The following UCK1 variants were observed in gnomAD, a reference collection of about 807,000 sequenced individuals.
The protein encoded by UCK1 is cytidine monophosphokinase 1.
UCK1 carries 20 observed loss-of-function variants against 34.0 expected under a neutral mutation model. The observed-to-expected ratio is 0.59, with a 90% CI of 0.41 to 0.86. The LOEUF (loss-of-function observed/expected upper bound fraction) is 0.86. Among genes scored for constraint, UCK1 ranks in the 40% least tolerant of loss-of-function variants. The probability of loss-of-function intolerance (pLI) is 0.00; values close to 1 mark genes in which losing one functional copy is unlikely to be tolerated. For missense variants in UCK1, 343 were observed against 383.6 expected (o/e 0.89, Z 0.88); for synonymous variants, 168 against 155.9 (o/e 1.08, Z -0.58).
At chr9:131,525,840 G>T in intron 6 of UCK1, 89 bp downstream of exon 6, 1 of 1,367,598 alleles carries the variant, frequency 7.3e-7, no homozygotes, top group Non-Finnish European at 1.0e-6. Context: ...GTGCGCAGGG[G>T]AGTGCTCAGT....
In UCK1 at chr9:131,524,128, G is replaced by C. The variant is rs1277398251; in HGVS notation, c.*912C>G. The C allele has an allele frequency of 6.6e-6, 1 of 152,368 alleles. No individual in the cohort carries two copies. The highest frequency in any genetic ancestry group is 6.5e-5 in the Admixed American group (1 of 15,292). The allele number at this position is 152,368 out of a possible 1,614,324, so 9.4% of individuals were successfully genotyped here. On this transcript the variant is annotated 3_prime_UTR_variant, in exon 7 of 7. Coordinates refer to ENST00000372215, the MANE Select transcript of UCK1 (RefSeq NM_031432.5). ...GGCGGCCATGTCTGCTGGGACCTGGGTGATCCAGTGCGTGCCACAGCCAGA... is the reference window on the plus strand; with the variant it reads ...GGCGGCCATGTCTGCTGGGACCTGGCTGATCCAGTGCGTGCCACAGCCAGA...
In UCK1 at chr9:131,530,644, G is replaced by A. The variant is rs1200045170; in HGVS notation, c.110C>T (p.Ser37Leu). The change falls in exon 2 of 7, where the codon TCG becomes TTG. Residue 37 changes from serine (S) to leucine (L), a missense_variant and splice_region_variant. Ser to Leu is a moderately radical substitution (Grantham distance 145). Coordinates refer to ENST00000372215, the MANE Select transcript of UCK1 (RefSeq NM_031432.5). ...GVSGGTASGK[S>L]TVCEKIMELL... is the part of the protein sequence containing the mutation. ...CTCCATGATCTTCTCACACACGGTC[G>A]ACTGGAGACACAGAAGCGGGATTCC... 2 of 1,614,102 alleles carry A rather than the reference G, an allele frequency of 1.2e-6. No homozygotes were observed. Among genetic ancestry groups the A allele is most frequent in the Non-Finnish European group, 1.7e-6 (2 of 1,180,052 alleles).
chr9:131,530,643 C>G lies in UCK1; in HGVS notation c.111G>C (p.Ser37=). The G allele has an allele frequency of 6.2e-7, 1 of 1,614,228 alleles. No homozygotes were observed. Among genetic ancestry groups the G allele is most frequent in the Non-Finnish European group, 8.5e-7 (1 of 1,180,040 alleles). ...ACTCCATGATCTTCTCACACACGGT[C>G]GACTGGAGACACAGAAGCGGGATTC... is the stretch of plus-strand genomic sequence containing the variant. The part of the protein sequence containing the change: ...GVSGGTASGK[S]TVCEKIMELL... The change falls in exon 2 of 7, where the codon TCG becomes TCC. Residue 37 remains serine, a splice_region_variant and synonymous_variant. Transcript: ENST00000372215.
chr9:131,525,951 G>A lies in UCK1; in HGVS notation c.630C>T (p.Ile210=). Residue 210 remains isoleucine, a synonymous_variant, in exon 6 of 7, where the codon ATC becomes ATT. Coordinates refer to ENST00000372215, the MANE Select transcript of UCK1 (RefSeq NM_031432.5). ...LPTKKYADVI[I]PRGVDNMVAI... ...TACCCATATTGTCCACTCCTCGCGG[G>A]ATGATCACATCGGCATACTTCTTTG... is the stretch of plus-strand genomic sequence containing the variant. 1 of 1,614,082 alleles carries A rather than the reference G, an allele frequency of 6.2e-7. No homozygotes were observed. The highest frequency in any genetic ancestry group is 2.2e-5 in the East Asian group (1 of 44,888).
At chr9:131,530,740 G>C (rs1950807271) in intron 1 of UCK1, 95 bp from the exon 2 acceptor site, 1 of 1,610,598 alleles carries the variant, frequency 6.2e-7, no homozygotes, top group Non-Finnish European at 8.5e-7. Flanking sequence ...CCGCCCCCTG[G>C]GGGGTATGCT....
Position 131,525,997 on chromosome 9 carries a change from G to A in UCK1, c.604-20C>T, listed in dbSNP as rs764478190. ...CTTTGTCTGTAAGGCACAAGGGGGG[G>A]TGTTCCTGTGAGGACTTTTCCTTCA... On this transcript the variant is annotated intron_variant, in intron 5 of 6. Coordinates refer to ENST00000372215, the MANE Select transcript of UCK1 (RefSeq NM_031432.5). 3.7e-6 allele frequency: 6 copies of A among 1,613,622 alleles called. No homozygotes were observed. The highest frequency in any genetic ancestry group is 4.2e-6 in the Non-Finnish European group (5 of 1,179,882).
Position 131,530,619 on chromosome 9 carries a change from CTCCATGA to C in UCK1, c.128_134del (p.Ile43SerfsTer18), listed in dbSNP as rs1475879517. ...GTTCCACCTCGTTCTGTCCCAGCAA[CTCCATGA>C]TCTTCTCACACACGGTCGACTGGAG... On this transcript the variant is annotated frameshift_variant, in exon 2 of 7. Transcript: ENST00000372215. LOFTEE classifies it high-confidence loss of function. 4 of 1,614,268 alleles carry C rather than the reference CTCCATGA, an allele frequency of 2.5e-6. No homozygotes were observed. The highest frequency in any genetic ancestry group is 3.4e-6 in the Non-Finnish European group (4 of 1,180,048).
Position 131,525,953 on chromosome 9 carries a change from T to C in UCK1, c.628A>G (p.Ile210Val). 6.2e-7 allele frequency: 1 copy of C among 1,614,110 alleles called. No individual in the cohort carries two copies. Among genetic ancestry groups the C allele is most frequent in the Non-Finnish European group, 8.5e-7 (1 of 1,180,004 alleles). Residue 210 changes from isoleucine to valine, a missense_variant, in exon 6 of 7, where the codon ATC (isoleucine) becomes GTC (valine). Ile to Val is a conservative substitution (Grantham distance 29, BLOSUM62 3). Coordinates refer to ENST00000372215, the MANE Select transcript of UCK1 (RefSeq NM_031432.5). ...LPTKKYADVI[I>V]PRGVDNMVAI... The stretch of plus-strand genomic sequence containing the variant: ...CCCATATTGTCCACTCCTCGCGGGA[T>C]GATCACATCGGCATACTTCTTTGTC...
chr9:131,526,243 T>C, intron 5 of UCK1: 1 of 663,568 alleles, frequency 1.5e-6, no homozygotes. Context: ...GACAGCCCCC[T>C]TCCAGTGTTC....
In UCK1 at chr9:131,524,207, T is replaced by TAGAC. The variant is rs574123471; in HGVS notation, c.*829_*832dup. On this transcript the variant is annotated 3_prime_UTR_variant, in exon 7 of 7. Coordinates refer to ENST00000372215, the MANE Select transcript of UCK1 (RefSeq NM_031432.5). ...CCACCCTGGGGTGGGACAGCCTGTC[T>TAGAC]AGACAGACAGCACCTTGGGGGCTCC... 7 of 152,528 alleles carry TAGAC rather than the reference T, an allele frequency of 4.6e-5. No individual in the cohort carries two copies. Among genetic ancestry groups the TAGAC allele is most frequent in the Admixed American group, 2.0e-4 (3 of 15,312 alleles). 9.4% of individuals were successfully genotyped at this position (152,528 alleles called of 1,614,324 possible). A position where few individuals can be genotyped will look rare whatever the true frequency, so the allele number is the denominator to read the frequency against.
chr9:131,527,385 CAT>C lies in UCK1; in HGVS notation c.604-1410_604-1409del, dbSNP rs549545856. On this transcript the variant is annotated intron_variant, in intron 5 of 6. Coordinates refer to ENST00000372215, the MANE Select transcript of UCK1 (RefSeq NM_031432.5). The stretch of plus-strand genomic sequence containing the variant: ...ACATCTCTGGGGCCTGGGCCCAGAA[CAT>C]AGCAGGTGACAGCACTTCCTCTACT... 1.1e-4 allele frequency among the ~76,000 whole-genome samples: 16 copies of C among 152,310 alleles called. No homozygotes were observed. In the South Asian group the frequency reaches 3.1e-3, roughly 30 times the overall value.
chr9:131,530,814 G>C, intron 1 of UCK1, 169 bp from the exon 2 acceptor site: 3 of 1,273,170 alleles, frequency 2.4e-6, no homozygotes, highest in Admixed American at 4.0e-5. Context: ...GGGGCCCAAC[G>C]GGGTTAGCAC....
At chr9:131,529,092 C>T (rs778691224) in intron 4 of UCK1, 36 bp downstream of exon 4, 11 of 1,613,362 alleles carry the variant, frequency 6.8e-6, no homozygotes, top group Admixed American at 3.3e-5. Context: ...CCGCCAGCCT[C>T]GGCCAGGCAG....
intron 5 of UCK1, 183 bp from the exon 6 acceptor site, chr9:131,526,160 A>T: frequency 1.3e-6 from 1 of 749,494 alleles, no homozygotes; most frequent in East Asian, 2.6e-5. Context: ...ATGATCCAAG[A>T]AGTGAGGCAG....
At position 131,525,055 on chromosome 9, in the gene UCK1, G is replaced by A; in HGVS notation, c.819C>T (p.Ser273=). Reference sequence around the variant, plus strand: ...CGGCAGCCCCTCAGTGGGGTCTGCTGCTGGACTCCAAATGTGACCGTTTGC... The same window carrying A: ...CGGCAGCCCCTCAGTGGGGTCTGCTACTGGACTCCAAATGTGACCGTTTGC... ...TSGKRSHLES[S]SRPH is the part of the protein sequence containing the mutation. The change falls in exon 7 of 7, where the codon AGC becomes AGT. Residue 273 remains serine (S), a synonymous_variant. Coordinates refer to ENST00000372215, the MANE Select transcript of UCK1 (RefSeq NM_031432.5). The A allele has an allele frequency of 6.2e-7, 1 of 1,611,772 alleles. No homozygotes were observed. Among genetic ancestry groups the A allele is most frequent in the Middle Eastern group, 1.7e-4 (1 of 6,060 alleles).
chr9:131,529,671 G>T, intron 2 of UCK1, 87 bp from the exon 3 acceptor site: 1 of 1,222,770 alleles, frequency 8.2e-7, no homozygotes, highest in Non-Finnish European at 1.2e-6. Flanking sequence ...GGTCAGCACA[G>T]CTGGGTGCTG....
chr9:131,525,480 A>G (rs1950562579), intron 6 of UCK1, among the ~76,000 whole-genome samples: 1 of 152,114 alleles, frequency 6.6e-6, no homozygotes, highest in South Asian at 2.1e-4. Flanking sequence ...TTGAATATAC[A>G]TATATATATG....
At position 131,524,843 on chromosome 9, in the gene UCK1, G is replaced by A; in HGVS notation, c.*197C>T. ...CGAGCCTAAGTGGCTGAAAACCTCA[G>A]GAACGCCTGTCAGTGTCCCAGCAAG... On this transcript the variant is annotated 3_prime_UTR_variant, in exon 7 of 7. Transcript: ENST00000372215. 3.2e-6 allele frequency: 2 copies of A among 624,128 alleles called. No individual in the cohort carries two copies. The highest frequency in any genetic ancestry group is 5.3e-6 in the Non-Finnish European group (2 of 375,090). 38.7% of individuals were successfully genotyped at this position (624,128 alleles called of 1,614,324 possible).
chr9:131,526,862 T>C (rs72757671), intron 5 of UCK1, among the ~76,000 whole-genome samples: 6,714 of 152,260 alleles, frequency 0.044, 327 homozygotes, highest in African/African-American at 0.11. Context: ...TCTAGTCTGA[T>C]AGTCTGACGG....
Sources: allele counts gnomAD v4.1 joint callset (sites outside exome capture counted in the v4.1 genomes callset), GRCh38; gene constraint gnomAD v4.1.1; transcripts MANE v1.5; gene names NCBI Gene and HGNC (gene_info 2026-07-23, HGNC 2026-07-21).